The following PXDNL variants were observed in gnomAD, a reference collection of about 807,000 sequenced individuals.
PXDNL encodes probable oxidoreductase PXDNL.
PXDNL carries 145 observed loss-of-function variants against 150.8 expected under a neutral mutation model. The observed-to-expected ratio is 0.96, with a 90% CI of 0.84 to 1.10. The LOEUF (loss-of-function observed/expected upper bound fraction) is 1.10. Among genes scored for constraint, PXDNL ranks in the 50% least tolerant of loss-of-function variants. The pLI is 0.00. For missense variants in PXDNL, 2,087 were observed against 1,873.9 expected, an observed-to-expected ratio of 1.11 and a Z score of -2.10; for synonymous variants, 757 against 725.7, an observed-to-expected ratio of 1.04 and a Z score of -0.69.
intron 1 of PXDNL, among the ~76,000 whole-genome samples, chr8:51,794,803 CATA>C: frequency 6.6e-6 from 1 of 152,278 alleles, no homozygotes; most frequent in Admixed American, 6.5e-5. Context: ...CAAATTCATA[CATA>C]ATAATATTAA....
intron 1 of PXDNL, among the ~76,000 whole-genome samples, chr8:51,719,071 G>C (rs1481770428): frequency 3.9e-5 from 6 of 151,956 alleles, no homozygotes; most frequent in African/African-American, 9.7e-5. Flanking sequence ...ACCCCGTCTG[G>C]GAGGTGAGGG....
At chr8:51,769,510 T>C (rs2037269636) in intron 1 of PXDNL, among the ~76,000 whole-genome samples, 2 of 152,258 alleles carry the variant, frequency 1.3e-5, no homozygotes, top group African/African-American at 2.4e-5. Context: ...TGATATTTGG[T>C]AGTTGAAGCT....
rs763327128 is a variant in PXDNL, at chr8:51,472,263, G to T, written c.736C>A (p.Pro246Thr). 6.2e-7 allele frequency: 1 copy of T among 1,613,244 alleles called. No homozygotes were observed. Among genetic ancestry groups the T allele is most frequent in the Non-Finnish European group, 8.5e-7 (1 of 1,179,484 alleles). Reference protein sequence around the residue: ...ITFEPQDVEVPSGNTVYFTCR... With the variant: ...ITFEPQDVEVTSGNTVYFTCR... ...GTGAAGTAGACGGTATTTCCTGATG[G>T]TACCTCCACATCCTGCGGCTCAAAA... is the stretch of plus-strand genomic sequence containing the variant. Residue 246 changes from proline (P) to threonine (T), a missense_variant, in exon 8 of 23, where the codon CCA becomes ACA. Coordinates refer to ENST00000356297, the MANE Select transcript of PXDNL (RefSeq NM_144651.5).
intron 1 of PXDNL, among the ~76,000 whole-genome samples, chr8:51,792,465 A>G (rs1033867143): frequency 4.6e-5 from 7 of 152,224 alleles, no homozygotes; most frequent in African/African-American, 1.7e-4. Context: ...TTGGGTCCCA[A>G]GCATAGAGCT....
chr8:51,622,048 G>A (rs1814269692), intron 2 of PXDNL, among the ~76,000 whole-genome samples: 1 of 151,826 alleles, frequency 6.6e-6, no homozygotes. Context: ...CCCTTTAAAA[G>A]TAGAGTTTTC....
intron 1 of PXDNL, among the ~76,000 whole-genome samples, chr8:51,658,387 A>AT (rs1255612472): frequency 4.0e-4 from 60 of 150,938 alleles, no homozygotes; most frequent in Admixed American, 1.3e-3. Context: ...AAAAAAGAAA[A>AT]AAAAGTATGA....
intron 21 of PXDNL, among the ~76,000 whole-genome samples, chr8:51,321,503 G>T (rs1805314277): frequency 6.6e-6 from 1 of 152,034 alleles, no homozygotes; most frequent in East Asian, 1.9e-4. Context: ...CAAATGCTGG[G>T]GGAGGGACCT....
chr8:51,530,567 C>T (rs557459990), intron 4 of PXDNL, among the ~76,000 whole-genome samples: 1 of 152,292 alleles, frequency 6.6e-6, no homozygotes, highest in East Asian at 1.9e-4. Context: ...CTGCCCACTG[C>T]TGCTCAGGTG....
At chr8:51,752,812 TG>T (rs1362275710) in intron 1 of PXDNL, among the ~76,000 whole-genome samples, 8 of 152,262 alleles carry the variant, frequency 5.3e-5, no homozygotes, top group Non-Finnish European at 1.0e-4. Flanking sequence ...TGATGGCAGA[TG>T]GAAGTTAATT....
At chr8:51,757,111 G>C (rs997656480) in intron 1 of PXDNL, among the ~76,000 whole-genome samples, 4 of 152,134 alleles carry the variant, frequency 2.6e-5, no homozygotes, top group African/African-American at 9.6e-5. Context: ...ACTTAATCAA[G>C]AACCTAAGTG....
intron 20 of PXDNL, among the ~76,000 whole-genome samples, chr8:51,343,051 C>G (rs1806036522): frequency 1.3e-5 from 2 of 151,920 alleles, no homozygotes; most frequent in African/African-American, 4.8e-5. Flanking sequence ...AAAAATGAAA[C>G]ACAAAAACCC....
intron 1 of PXDNL, among the ~76,000 whole-genome samples, chr8:51,759,277 G>T (rs540948378): frequency 1.3e-5 from 2 of 152,216 alleles, no homozygotes; most frequent in African/African-American, 2.4e-5. Context: ...TCACATCTCT[G>T]CTTGGCTGCC....
chr8:51,398,548 G>T (rs998189549), intron 17 of PXDNL, among the ~76,000 whole-genome samples: 1 of 152,008 alleles, frequency 6.6e-6, no homozygotes, highest in African/African-American at 2.4e-5. Flanking sequence ...ATCCTTATAA[G>T]GATAAACTCT....
intron 1 of PXDNL, among the ~76,000 whole-genome samples, chr8:51,724,564 A>AG (rs1816789152): frequency 6.6e-6 from 1 of 152,210 alleles, no homozygotes; most frequent in Non-Finnish European, 1.5e-5. Flanking sequence ...TTACCTGTGG[A>AG]GGGTGTTTCT....
At chr8:51,688,371 AG>A (rs1815919329) in intron 1 of PXDNL, among the ~76,000 whole-genome samples, 2 of 152,306 alleles carry the variant, frequency 1.3e-5, no homozygotes, top group South Asian at 2.1e-4. Context: ...TGTTTTAGAA[AG>A]GGCATTCTGT....
intron 17 of PXDNL, among the ~76,000 whole-genome samples, chr8:51,379,492 G>A (rs1807465657): frequency 6.6e-6 from 1 of 151,588 alleles, no homozygotes; most frequent in Non-Finnish European, 1.5e-5. Flanking sequence ...TTACTGAAAT[G>A]TGTATTTATA....
At chr8:51,650,207 TACAG>T (rs1253841351) in intron 2 of PXDNL, among the ~76,000 whole-genome samples, 4 of 151,902 alleles carry the variant, frequency 2.6e-5, no homozygotes, top group Admixed American at 2.6e-4. Flanking sequence ...TAGTATTATA[TACAG>T]ACAAAGTCAA....
intron 1 of PXDNL, among the ~76,000 whole-genome samples, chr8:51,680,827 T>C (rs1815731983): frequency 6.6e-6 from 1 of 152,204 alleles, no homozygotes; most frequent in Non-Finnish European, 1.5e-5. Flanking sequence ...GTTGTGAAGA[T>C]ATGTGATTAA....
chr8:51,750,188 A>T (rs1191080652), intron 1 of PXDNL, among the ~76,000 whole-genome samples: 1 of 151,670 alleles, frequency 6.6e-6, no homozygotes, highest in Non-Finnish European at 1.5e-5. Context: ...AGCTTTTTAA[A>T]TTTTTTTTTC....
Sources: gnomAD v4.1 joint callset for allele counts (sites outside exome capture counted in the v4.1 genomes callset) on GRCh38, gnomAD v4.1.1 for gene constraint, MANE v1.5 for transcripts, NCBI Gene and HGNC (gene_info 2026-07-23, HGNC 2026-07-21) for gene names.